The following FRMD4B variants were observed in gnomAD, a reference collection of about 807,000 sequenced individuals.
FRMD4B encodes the protein FERM domain containing 4B.
Under a neutral mutation model 141.5 loss-of-function variants are expected in FRMD4B, and 74 were observed. That is an observed-to-expected ratio of 0.52 (90% CI 0.43 to 0.63). FRMD4B has a LOEUF of 0.63. Among genes scored for constraint, FRMD4B ranks in the 30% least tolerant of loss-of-function variants. FRMD4B has a pLI of 0.00. For missense variants in FRMD4B, 1,366 were observed against 1,253.4 expected (o/e 1.09, Z -1.36); for synonymous variants, 506 against 467.9 (o/e 1.08, Z -1.05).
At chr3:69,182,745 A>G (rs778581676) in intron 19 of FRMD4B, 28 bp from the exon 20 acceptor site, 2 of 1,608,178 alleles carry the variant, frequency 1.2e-6, no homozygotes, top group African/African-American at 2.7e-5. Flanking sequence ...AGAATTCAGG[A>G]AATGATGAGT....
intron 3 of FRMD4B, among the ~76,000 whole-genome samples, chr3:69,309,042 C>T (rs1701484976): frequency 6.6e-6 from 1 of 152,166 alleles, no homozygotes; most frequent in South Asian, 2.1e-4. Flanking sequence ...TCCATAAAAG[C>T]AGGGGCCTTG....
intron 5 of FRMD4B, among the ~76,000 whole-genome samples, chr3:69,251,315 T>C (rs1457810159): frequency 1.3e-5 from 2 of 152,178 alleles, no homozygotes; most frequent in Non-Finnish European, 2.9e-5. Flanking sequence ...TTATACCAAG[T>C]GCATCAATGG....
At chr3:69,481,192 G>A (rs1440969028) in intron 1 of FRMD4B, among the ~76,000 whole-genome samples, 1 of 152,158 alleles carries the variant, frequency 6.6e-6, no homozygotes, top group East Asian at 1.9e-4. Flanking sequence ...CCCTGCTTCA[G>A]CTTGCGCACG....
At chr3:69,395,977 C>G (rs968045351) in intron 2 of FRMD4B, among the ~76,000 whole-genome samples, 1 of 152,178 alleles carries the variant, frequency 6.6e-6, no homozygotes, top group South Asian at 2.1e-4. Flanking sequence ...CACCCTAAAA[C>G]AGTTCCATTA....
chr3:69,418,516 T>A (rs1704912070), intron 2 of FRMD4B, among the ~76,000 whole-genome samples: 2 of 152,322 alleles, frequency 1.3e-5, no homozygotes, highest in East Asian at 3.9e-4. Flanking sequence ...CAACCCACAA[T>A]GACTCCATCT....
intron 1 of FRMD4B, among the ~76,000 whole-genome samples, chr3:69,346,348 G>C (rs1575752041): frequency 6.6e-6 from 1 of 152,148 alleles, no homozygotes; most frequent in African/African-American, 2.4e-5. Context: ...ACCAAATCTA[G>C]GTCTGATTGG....
At chr3:69,387,923 T>C (rs1704298556), upstream of FRMD4B, among the ~76,000 whole-genome samples, 2 of 152,192 alleles carry the variant, frequency 1.3e-5, no homozygotes, top group Admixed American at 6.5e-5. Flanking sequence ...TTAGTATTGA[T>C]GGTTTTTTTT....
In FRMD4B at chr3:69,536,583, G is replaced by A. The variant is rs138921959; in HGVS notation, c.-129+5623C>T. On this transcript the variant is annotated intron_variant, in intron 1 of 5. Transcript: ENST00000459638. ...AGAGGGCAGGAGGCGGCATGCCACC[G>A]GGAAGCTGCTGCAGCTCAGGCCTGG... is the stretch of plus-strand genomic sequence containing the variant. The A allele has an allele frequency of 8.3e-4, 627 of 751,276 alleles. 7 individuals are homozygous for A. The East Asian group carries it at 0.016, about 19-fold the overall frequency. 46.5% of individuals were successfully genotyped at this position (751,276 alleles called of 1,614,324 possible). A position where few individuals can be genotyped will look rare whatever the true frequency, so the allele number is the denominator to read the frequency against.
chr3:69,353,896 CAT>C (rs1238208629), intron 1 of FRMD4B, among the ~76,000 whole-genome samples: 1 of 152,198 alleles, frequency 6.6e-6, no homozygotes, highest in Admixed American at 6.5e-5. Flanking sequence ...ACATTTAAAA[CAT>C]ATGATGAAAT....
chr3:69,481,529 A>C (rs929390400), intron 1 of FRMD4B, among the ~76,000 whole-genome samples: 3 of 152,198 alleles, frequency 2.0e-5, no homozygotes, highest in African/African-American at 7.2e-5. Context: ...TTGATATTTC[A>C]CGTAACAGTT....
intron 4 of FRMD4B, among the ~76,000 whole-genome samples, chr3:69,290,133 G>A (rs966844879): frequency 6.6e-6 from 1 of 152,134 alleles, no homozygotes; most frequent in Non-Finnish European, 1.5e-5. Flanking sequence ...GCCCTGCTGC[G>A]TGGACTAGGC....
intron 1 of FRMD4B, among the ~76,000 whole-genome samples, chr3:69,532,816 C>A (rs1701023953): frequency 1.3e-5 from 2 of 152,368 alleles, no homozygotes; most frequent in Admixed American, 6.5e-5. Context: ...CAACAATCCT[C>A]AGCCACATCC....
At chr3:69,493,654 T>C (rs1305769396) in intron 1 of FRMD4B, among the ~76,000 whole-genome samples, 1 of 152,256 alleles carries the variant, frequency 6.6e-6, no homozygotes, top group African/African-American at 2.4e-5. Context: ...CTGTAATGAA[T>C]TGGCCTCTTG....
At position 69,355,440 on chromosome 3, in the gene FRMD4B, A is replaced by G. The variant is rs76020191; in HGVS notation, c.162+30388T>C. Among the ~76,000 whole-genome samples, 519 of 152,300 alleles carry G rather than the reference A, an allele frequency of 3.4e-3. 3 individuals carry two copies. Among genetic ancestry groups the G allele is most frequent in the African/African-American group, 0.012 (504 of 41,560 alleles). ...CAGAACCTTCTATTTGTTAATATAT[A>G]ACAGTAAAAACTCAATACATGGTAC... On this transcript the variant is annotated intron_variant, in intron 1 of 22. Transcript: ENST00000398540.
At chr3:69,382,426 T>G (rs1704139285) in intron 1 of FRMD4B, among the ~76,000 whole-genome samples, 1 of 152,172 alleles carries the variant, frequency 6.6e-6, no homozygotes, top group Non-Finnish European at 1.5e-5. Context: ...CTGCTCACCT[T>G]GGCCTCCCAA....
In FRMD4B at chr3:69,385,915, C is replaced by T; in HGVS notation, c.75G>A (p.Val25=). The T allele has an allele frequency of 6.2e-7, 1 of 1,605,476 alleles. No homozygotes were observed. Among genetic ancestry groups the T allele is most frequent in the Non-Finnish European group, 8.5e-7 (1 of 1,176,522 alleles). ...CCGTGTACCATCTCCGCAGCGTGGA[C>T]ACGGTCAAGTTCCATACGAAGCGGC... ...SGSRFVWNLT[V]STLRRWYTER... Residue 25 remains valine, a synonymous_variant, in exon 1 of 23, where the codon GTG becomes GTA. Coordinates refer to ENST00000398540, the MANE Select transcript of FRMD4B (RefSeq NM_015123.3).
intron 1 of FRMD4B, among the ~76,000 whole-genome samples, chr3:69,508,876 T>C (rs993291228): frequency 2.6e-5 from 4 of 152,200 alleles, no homozygotes; most frequent in Non-Finnish European, 5.9e-5. Context: ...GTTGTCTCCA[T>C]TTCATAGACA....
intron 1 of FRMD4B, among the ~76,000 whole-genome samples, chr3:69,322,094 T>TA (rs1398368966): frequency 2.0e-5 from 3 of 151,862 alleles, no homozygotes; most frequent in African/African-American, 4.8e-5. Context: ...AACTCACACA[T>TA]AAAAAACACT....
At chr3:69,284,231 G>A (rs751771839) in intron 5 of FRMD4B, among the ~76,000 whole-genome samples, 5 of 152,142 alleles carry the variant, frequency 3.3e-5, no homozygotes, top group African/African-American at 4.8e-5. Context: ...AGAGAAAAGA[G>A]AGCTGCGAAG....
Sources: allele counts gnomAD v4.1 joint callset (sites outside exome capture counted in the v4.1 genomes callset), GRCh38; gene constraint gnomAD v4.1.1; transcripts MANE v1.5; gene names NCBI Gene and HGNC (gene_info 2026-07-23, HGNC 2026-07-21).